Variants in LARP1 observed in about 807,000 individuals in gnomAD.
LARP1 encodes La ribonucleoprotein 1, translational regulator.
A neutral mutation model predicts 122.7 loss-of-function variants in LARP1; 36 were observed. The ratio of observed to expected loss-of-function variants is 0.29; its 90% CI spans 0.22 to 0.39. LARP1 has a LOEUF of 0.39. Ranked by LOEUF, LARP1 falls within the 10% of genes least tolerant of loss-of-function variation. The probability of loss-of-function intolerance (pLI) is 1.00; values close to 1 mark genes in which losing one functional copy is unlikely to be tolerated. For missense variants in LARP1, 1,040 were observed against 1,403.6 expected, an observed-to-expected ratio of 0.74 and a Z score of 4.14; for synonymous variants, 539 against 528.7, an observed-to-expected ratio of 1.02 and a Z score of -0.27.
chr5:154,761,948 T>C (rs763256647), intron 1 of LARP1, among the ~76,000 whole-genome samples: 16 of 152,012 alleles, frequency 1.1e-4, no homozygotes, highest in Non-Finnish European at 2.2e-4. Context: ...AGTTCATGAA[T>C]TGAAAAAGTC....
intron 1 of LARP1, 86 bp downstream of exon 1, chr5:154,756,279 G>C (rs1336025194): frequency 9.7e-7 from 1 of 1,029,312 alleles, no homozygotes; most frequent in Non-Finnish European, 1.2e-6. Context: ...CAGGGCCCCG[G>C]GGTCTGCTAC....
intron 18 of LARP1, among the ~76,000 whole-genome samples, chr5:154,812,547 T>G (rs1759369417): frequency 1.8e-5 from 2 of 113,822 alleles, no homozygotes; most frequent in Middle Eastern, 6.3e-3. Context: ...GGAGACAGAG[T>G]CTTGCTCTGT....
At position 154,686,200 on chromosome 5, in the gene LARP1, A is replaced by G. The variant is rs576231537; in HGVS notation, c.-180+3163A>G. On this transcript the variant is annotated intron_variant, in intron 1 of 18. Transcript: ENST00000687700. The stretch of plus-strand genomic sequence containing the variant: ...CTCATTCTGTACCAGGAAAGCTAAG[A>G]CTCTTACTGAAACAACTGTGGGCAT... Among the ~76,000 whole-genome samples the G allele has an allele frequency of 2.0e-5, 3 of 152,220 alleles. No individual in the cohort carries two copies. In the East Asian group the frequency reaches 5.8e-4, roughly 29 times the overall value.
At chr5:154,793,326 C>CT (rs1288499552) in intron 4 of LARP1, among the ~76,000 whole-genome samples, 1 of 152,172 alleles carries the variant, frequency 6.6e-6, no homozygotes, top group Non-Finnish European at 1.5e-5. Flanking sequence ...TCATCCTGGG[C>CT]TGCCATGTGT....
intron 1 of LARP1, among the ~76,000 whole-genome samples, chr5:154,730,863 C>CTTTTT (rs60848864): frequency 7.8e-6 from 1 of 127,786 alleles, no homozygotes; most frequent in Non-Finnish European, 1.7e-5. Context: ...ACCATTCTGA[C>CTTTTT]TTTTTTTTTT....
chr5:154,705,774 A>G (rs1251415818), intron 1 of LARP1: 1 of 152,220 alleles, frequency 6.6e-6, no homozygotes, highest in Non-Finnish European at 1.5e-5. Flanking sequence ...TTGCAGAGAA[A>G]AGGGAAAGCT....
intron 1 of LARP1, chr5:154,756,606 C>A: frequency 1.6e-6 from 1 of 626,880 alleles, no homozygotes; most frequent in Non-Finnish European, 2.0e-6. Flanking sequence ...GGTAGCGTTG[C>A]GAGCGTCCCC....
At chr5:154,768,768 G>A (rs891194870) in intron 1 of LARP1, among the ~76,000 whole-genome samples, 3 of 152,152 alleles carry the variant, frequency 2.0e-5, no homozygotes, top group Non-Finnish European at 4.4e-5. Flanking sequence ...TTTTAGTAGA[G>A]ATGGGGTTTC....
At chr5:154,726,885 T>C (rs1451512542) in intron 1 of LARP1, among the ~76,000 whole-genome samples, 1 of 152,106 alleles carries the variant, frequency 6.6e-6, no homozygotes, top group Non-Finnish European at 1.5e-5. Context: ...GCAGGGGAAA[T>C]GCCAGATACT....
intron 1 of LARP1, among the ~76,000 whole-genome samples, chr5:154,728,696 A>G (rs1480763640): frequency 6.7e-6 from 1 of 149,258 alleles, no homozygotes; most frequent in African/African-American, 2.5e-5. Flanking sequence ...ATTAATTATA[A>G]TAGAGGATTA....
chr5:154,774,749 T>A (rs772325381), intron 1 of LARP1, among the ~76,000 whole-genome samples: 1 of 152,150 alleles, frequency 6.6e-6, no homozygotes. Context: ...AGGTGCCAGC[T>A]CTTTGGAGAT....
intron 1 of LARP1, among the ~76,000 whole-genome samples, chr5:154,713,751 T>C (rs1305052601): frequency 6.6e-6 from 1 of 152,198 alleles, no homozygotes; most frequent in Non-Finnish European, 1.5e-5. Flanking sequence ...ACAGGGTTCA[T>C]TCTTGAAAGT....
At chr5:154,790,859 C>G in intron 3 of LARP1, 149 bp downstream of exon 3, 1 of 761,926 alleles carries the variant, frequency 1.3e-6, no homozygotes, top group African/African-American at 1.7e-5. Context: ...CTCTTTTTGC[C>G]CAGGTTGGAG....
intron 14 of LARP1, among the ~76,000 whole-genome samples, 157 bp downstream of exon 14, chr5:154,804,464 A>G (rs932829002): frequency 4.6e-5 from 7 of 152,194 alleles, no homozygotes; most frequent in African/African-American, 1.7e-4. Context: ...TCAGCCCAGG[A>G]CCTGGGAATG....
chr5:154,780,282 A>G (rs1399486074), intron 1 of LARP1, among the ~76,000 whole-genome samples: 2 of 152,190 alleles, frequency 1.3e-5, no homozygotes, highest in Non-Finnish European at 2.9e-5. Context: ...CAGGGCTCAA[A>G]GAGGAAAAAA....
upstream of LARP1, among the ~76,000 whole-genome samples, chr5:154,712,119 C>T (rs528997169): frequency 5.9e-5 from 9 of 152,276 alleles, no homozygotes; most frequent in Admixed American, 3.9e-4. Context: ...AAAACAGAGC[C>T]TGACACATAA....
chr5:154,702,417 G>A lies in LARP1; in HGVS notation c.-180+19380G>A, dbSNP rs139022266. ...CTAAAAATACAAAAATTTCCCGGGC[G>A]TGGTGGTGGGCACCTGTAATCACAG... On this transcript the variant is annotated intron_variant, in intron 1 of 18. Transcript: ENST00000687700. Among the ~76,000 whole-genome samples the A allele has an allele frequency of 5.9e-3, 897 of 152,076 alleles. 10 individuals carry two copies. The highest frequency in any genetic ancestry group is 0.02 in the African/African-American group (835 of 41,496).
chr5:154,768,820 A>G (rs191884663), intron 1 of LARP1, among the ~76,000 whole-genome samples: 1,798 of 151,976 alleles, frequency 0.012, 30 homozygotes, highest in African/African-American at 0.04. Context: ...TGACTTCGTG[A>G]TCCACCCGCC....
upstream of LARP1, among the ~76,000 whole-genome samples, chr5:154,754,706 T>G (rs1163383908): frequency 6.6e-6 from 1 of 151,914 alleles, no homozygotes; most frequent in Non-Finnish European, 1.5e-5. Context: ...CATCTCCGGG[T>G]AGTGTCGAGG....
Sources: allele counts gnomAD v4.1 joint callset (sites outside exome capture counted in the v4.1 genomes callset), GRCh38; gene constraint gnomAD v4.1.1; transcripts MANE v1.5; gene names NCBI Gene and HGNC (gene_info 2026-07-23, HGNC 2026-07-21).